SYNE2: variants seen among roughly 807,000 people sequenced by gnomAD.
SYNE2 encodes the protein nesprin-2.
In SYNE2, 431 loss-of-function variants were observed where a neutral mutation model predicts 856.3. That is an observed-to-expected ratio of 0.50 (90% CI 0.47 to 0.55). The LOEUF is 0.55. Among genes scored for constraint, SYNE2 ranks in the 20% least tolerant of loss-of-function variants. SYNE2 has a pLI of 0.00. For missense variants in SYNE2, 8,129 were observed against 8,023.2 expected, an observed-to-expected ratio of 1.01 and a Z score of -0.50; for synonymous variants, 2,923 against 2,872.3, an observed-to-expected ratio of 1.02 and a Z score of -0.56.
chr14:63,995,759 A>ATCTATCTATCTATCTG (rs1555419756), intron 23 of SYNE2, among the ~76,000 whole-genome samples: 25 of 151,856 alleles, frequency 1.6e-4, no homozygotes, highest in African/African-American at 6.0e-4. Flanking sequence ...CTATCTATCT[A>ATCTATCTATCTATCTG]TCTATCTAGA....
rs988098430 is a variant in SYNE2, at chr14:64,008,838, T to C, written c.4578-1128T>C. ...CTGACACCACCTGACGGCACCATCC[T>C]GTGTGGCTTGGGGCATCTCCCCAGC... On this transcript the variant is annotated intron_variant, in intron 31 of 115. Transcript: ENST00000555002. Among the ~76,000 whole-genome samples the C allele has an allele frequency of 2.0e-5, 3 of 152,174 alleles. No individual in the cohort carries two copies. The South Asian group carries it at 6.2e-4, about 32-fold the overall frequency.
intron 3 of SYNE2, 48 bp from the exon 4 acceptor site, chr14:63,941,647 T>G (rs1014115199): frequency 2.0e-6 from 3 of 1,525,234 alleles, no homozygotes; most frequent in East Asian, 2.3e-5. Context: ...AAAGGTATTC[T>G]TTTTGGACCA....
chr14:64,077,118 A>C (rs990529157), intron 54 of SYNE2, among the ~76,000 whole-genome samples: 1 of 152,138 alleles, frequency 6.6e-6, no homozygotes, highest in Non-Finnish European at 1.5e-5. Flanking sequence ...AATTTCCGCT[A>C]TGACCCTCTA....
intron 47 of SYNE2, 150 bp downstream of exon 47, chr14:64,050,026 G>A (rs757457397): frequency 4.8e-6 from 5 of 1,041,000 alleles, no homozygotes; most frequent in African/African-American, 1.6e-5. Flanking sequence ...TATGGATGCT[G>A]TCTTTGTTTG....
chr14:64,190,748 C>T, intron 99 of SYNE2: 1 of 659,726 alleles, frequency 1.5e-6, no homozygotes, highest in Non-Finnish European at 2.7e-6. Context: ...GTGTCTTGTC[C>T]TAGGATGTGG....
intron 1 of SYNE2, among the ~76,000 whole-genome samples, chr14:63,904,415 C>G (rs945248766): frequency 6.6e-6 from 1 of 152,194 alleles, no homozygotes; most frequent in Non-Finnish European, 1.5e-5. Context: ...TCCACAGTGG[C>G]TGCACTAATT....
At position 64,088,707 on chromosome 14, in the gene SYNE2, T is replaced by C. The variant is rs558178825; in HGVS notation, c.11670+851T>C. Among the ~76,000 whole-genome samples the C allele has an allele frequency of 4.9e-4, 74 of 152,346 alleles. 1 individual carries two copies. Among genetic ancestry groups the C allele is most frequent in the African/African-American group, 1.4e-3 (58 of 41,592 alleles). ...GGGTTGTTATTTGCCAGCCTCTGGA[T>C]TTTTATTTTGGCTTGAAACATCAGA... On this transcript the variant is annotated intron_variant, in intron 58 of 115. Coordinates refer to ENST00000555002, the MANE Select transcript of SYNE2 (RefSeq NM_182914.3).
intron 100 of SYNE2, chr14:64,207,977 A>AG (rs779566005): frequency 4.6e-5 from 21 of 456,072 alleles, no homozygotes; most frequent in South Asian, 3.3e-4. Context: ...GGGGTACAGC[A>AG]GAAATATTAT....
intron 76 of SYNE2, among the ~76,000 whole-genome samples, chr14:64,130,973 C>A (rs777535470): frequency 2.6e-5 from 4 of 151,728 alleles, no homozygotes; most frequent in African/African-American, 9.7e-5. Context: ...TATAGTAAAT[C>A]CTTTGATTTT....
rs1353423300 is a variant in SYNE2 at position 64,186,302 on chromosome 14, G to T, written c.17557-122G>T. 9 of 1,290,640 alleles carry T rather than the reference G, an allele frequency of 7.0e-6. No homozygotes were observed. The East Asian group carries it at 1.4e-4, about 20-fold the overall frequency. 79.9% of individuals were successfully genotyped at this position (1,290,640 alleles called of 1,614,324 possible). A position where few individuals can be genotyped will look rare whatever the true frequency, so the allele number is the denominator to read the frequency against. On this transcript the variant is annotated intron_variant, in intron 96 of 115. Transcript: ENST00000555002. ...TCTTGGGCTGTTTCCCATTCAGAAG[G>T]TCCCTCCCTCTCTCCTGGCCTCCCC...
At chr14:63,951,256 C>A (rs574153974) in intron 7 of SYNE2, among the ~76,000 whole-genome samples, 3 of 152,228 alleles carry the variant, frequency 2.0e-5, no homozygotes, top group East Asian at 3.9e-4. Context: ...TAAGTCCTTT[C>A]TGCTGAAAGG....
chr14:64,048,106 C>T lies in SYNE2; in HGVS notation c.7328C>T (p.Pro2443Leu), dbSNP rs2097199181. ...ERKVNELQNQ[P>L]LELDTMLRNE... ...AAAGTCAATGAGCTGCAAAATCAAC[C>T]TTTAGAATTAGATACTATGTTAAGA... Residue 2443 changes from proline (P) to leucine (L), a missense_variant, in exon 46 of 116, where the codon CCT (proline) becomes CTT (leucine). This residue lies in a region of SYNE2 where 5,410 missense variants were observed against 5,284.8 expected (regional missense o/e 1.02). Coordinates refer to ENST00000555002, the MANE Select transcript of SYNE2 (RefSeq NM_182914.3). 4 of 1,613,374 alleles carry T rather than the reference C, an allele frequency of 2.5e-6. No homozygotes were observed. In the African/African-American group the frequency reaches 5.3e-5, roughly 22 times the overall value.
chr14:64,067,101 TATTA>T (rs1190486175), intron 51 of SYNE2, among the ~76,000 whole-genome samples: 2 of 152,226 alleles, frequency 1.3e-5, no homozygotes, highest in East Asian at 1.9e-4. Flanking sequence ...AATTATGTGT[TATTA>T]ATTCAGACTC....
intron 109 of SYNE2, 104 bp from the exon 110 acceptor site, chr14:64,219,104 G>GTTT (rs528002229): frequency 1.8e-3 from 721 of 408,052 alleles, no homozygotes; most frequent in East Asian, 8.9e-3. Context: ...CAGTTTTTTT[G>GTTT]TTTTTTTTTT....
intron 1 of SYNE2, among the ~76,000 whole-genome samples, chr14:63,792,190 C>T (rs1315088531): frequency 1.3e-5 from 2 of 152,040 alleles, no homozygotes; most frequent in Non-Finnish European, 2.9e-5. Context: ...AAATAGGGTT[C>T]AATTACATGC....
In SYNE2 at chr14:64,139,550, T is replaced by C. The variant is rs548836679; in HGVS notation, c.14844-391T>C. 2.0e-5 allele frequency among the ~76,000 whole-genome samples: 3 copies of C among 152,248 alleles called. No individual in the cohort carries two copies. In the South Asian group the frequency reaches 6.2e-4, roughly 32 times the overall value. On this transcript the variant is annotated intron_variant, in intron 79 of 115. Transcript: ENST00000555002. ...CCTCAGCCTCCTGAGTAGCTGGGAC[T>C]ACAGGCGCCTGCCACCATGCCTGGG...
At chr14:63,789,962 G>T (rs1887673933) in intron 1 of SYNE2, among the ~76,000 whole-genome samples, 1 of 152,092 alleles carries the variant, frequency 6.6e-6, no homozygotes. Context: ...AAGAAACTGA[G>T]ATACCTTTAA....
intron 70 of SYNE2, among the ~76,000 whole-genome samples, chr14:64,123,205 G>A (rs749454262): frequency 6.6e-6 from 1 of 152,162 alleles, no homozygotes; most frequent in African/African-American, 2.4e-5. Context: ...TGTGCCGATG[G>A]CACTGGCCAA....
chr14:64,218,758 G>T (rs1192354101), intron 109 of SYNE2, among the ~76,000 whole-genome samples: 1 of 152,158 alleles, frequency 6.6e-6, no homozygotes, highest in Non-Finnish European at 1.5e-5. Context: ...GGAAGTGCAG[G>T]TTTTCACTTT....
Sources: allele counts gnomAD v4.1 joint callset (sites outside exome capture counted in the v4.1 genomes callset), GRCh38; gene constraint gnomAD v4.1.1; regional missense constraint gnomAD v4.1.1; transcripts MANE v1.5; gene names NCBI Gene and HGNC (gene_info 2026-07-23, HGNC 2026-07-21).